Variants in SKAP2 observed in about 807,000 individuals in gnomAD.
SKAP2 encodes the protein src kinase associated phosphoprotein 2, also known as src kinase-associated phosphoprotein 2.
SKAP2 carries 28 observed loss-of-function variants against 54.9 expected under a neutral mutation model. The ratio of observed to expected loss-of-function variants is 0.51; its 90% CI spans 0.38 to 0.70. The LOEUF is 0.70. Among genes scored for constraint, SKAP2 ranks in the 30% least tolerant of loss-of-function variants. The pLI is 0.00. For missense variants in SKAP2, 356 were observed against 424.1 expected, an observed-to-expected ratio of 0.84 and a Z score of 1.41; for synonymous variants, 137 against 134.3, an observed-to-expected ratio of 1.02 and a Z score of -0.14.
chr7:26,678,367 G>A (rs1473154135), intron 11 of SKAP2, among the ~76,000 whole-genome samples: 1 of 151,862 alleles, frequency 6.6e-6, no homozygotes, highest in East Asian at 1.9e-4. Flanking sequence ...CTCTTCCAAA[G>A]AGAATCTTAT....
intron 8 of SKAP2, 89 bp downstream of exon 8, chr7:26,725,834 G>A (rs1787695433): frequency 1.9e-6 from 2 of 1,065,976 alleles, no homozygotes; most frequent in Non-Finnish European, 2.8e-6. Flanking sequence ...TCTCACAGAA[G>A]TCAATAAGCT....
At chr7:26,784,973 G>A (rs912358963) in intron 4 of SKAP2, among the ~76,000 whole-genome samples, 1 of 152,080 alleles carries the variant, frequency 6.6e-6, no homozygotes, top group African/African-American at 2.4e-5. Flanking sequence ...TCTAAGTGGT[G>A]GATAAATAGG....
rs778945887 is a variant in SKAP2, at chr7:26,738,784, A to C, written c.469+11T>G. Reference sequence around the variant, plus strand: ...GCAATAGTAGTTGATATAATTGAACACCAACATTACCTTTATCACTTCCAT... The same window carrying C: ...GCAATAGTAGTTGATATAATTGAACCCCAACATTACCTTTATCACTTCCAT... On this transcript the variant is annotated intron_variant, in intron 6 of 12. Transcript: ENST00000345317. 2 of 1,512,200 alleles carry C rather than the reference A, an allele frequency of 1.3e-6. No homozygotes were observed. The highest frequency in any genetic ancestry group is 1.7e-5 in the Admixed American group (1 of 59,760). 93.7% of individuals were successfully genotyped at this position (1,512,200 alleles called of 1,614,324 possible). A position where few individuals can be genotyped will look rare whatever the true frequency, so the allele number is the denominator to read the frequency against.
chr7:26,722,501 C>T (rs1029949353), intron 9 of SKAP2, among the ~76,000 whole-genome samples: 4 of 148,636 alleles, frequency 2.7e-5, no homozygotes, highest in Middle Eastern at 3.6e-3. Context: ...AAGTGATTCT[C>T]CTGCCTCAGC....
At chr7:26,776,161 T>C (rs117922142) in intron 4 of SKAP2, among the ~76,000 whole-genome samples, 1,813 of 152,284 alleles carry the variant, frequency 0.012, 20 homozygotes, top group Middle Eastern at 0.031. Context: ...CTGGTCGTTT[T>C]ATACAGTTTT....
chr7:26,833,542 G>A (rs1032470639), intron 4 of SKAP2, among the ~76,000 whole-genome samples: 4 of 152,062 alleles, frequency 2.6e-5, no homozygotes, highest in Non-Finnish European at 5.9e-5. Context: ...CCAAGCAAAT[G>A]GAAAGCAATA....
At chr7:26,737,484 A>G (rs1787968697) in intron 6 of SKAP2, among the ~76,000 whole-genome samples, 1 of 152,214 alleles carries the variant, frequency 6.6e-6, no homozygotes, top group Non-Finnish European at 1.5e-5. Flanking sequence ...GCATTATGTA[A>G]GTATTTCAGA....
chr7:26,708,998 T>G (rs1222536250), intron 9 of SKAP2, among the ~76,000 whole-genome samples: 7 of 152,194 alleles, frequency 4.6e-5, no homozygotes, highest in Non-Finnish European at 1.0e-4. Flanking sequence ...TATTAGATGA[T>G]CTCTGCAGAA....
At chr7:26,772,704 C>A (rs577660711) in intron 4 of SKAP2, among the ~76,000 whole-genome samples, 12 of 152,290 alleles carry the variant, frequency 7.9e-5, no homozygotes, top group African/African-American at 2.9e-4. Flanking sequence ...AAGCATTTGG[C>A]AAACATTCAA....
chr7:26,750,213 A>G (rs908358483), intron 4 of SKAP2, among the ~76,000 whole-genome samples: 1 of 152,052 alleles, frequency 6.6e-6, no homozygotes, highest in Non-Finnish European at 1.5e-5. Flanking sequence ...AGCAATTACC[A>G]TTATTTAAGG....
rs765129842 is a variant in SKAP2, at chr7:26,727,194, T to C, written c.470-188A>G. ...TGAAACATGGAAGTATTAGGGATGATTGGACTTACAAGGAGGTCTGCAGAT... is the reference window on the plus strand; with the variant it reads ...TGAAACATGGAAGTATTAGGGATGACTGGACTTACAAGGAGGTCTGCAGAT... On this transcript the variant is annotated intron_variant, in intron 6 of 12. Coordinates refer to ENST00000345317, the MANE Select transcript of SKAP2 (RefSeq NM_003930.5). Among the ~76,000 whole-genome samples, 18 of 152,280 alleles carry C rather than the reference T, an allele frequency of 1.2e-4. 1 individual carries two copies. The highest frequency in any genetic ancestry group is 2.1e-4 in the South Asian group (1 of 4,834).
Position 26,690,278 on chromosome 7 carries a change from T to G in SKAP2, c.874+7A>C, listed in dbSNP as rs754641862. ...AAGGTTTGCCAAGAAGCTACACAAGTCATTACCTGAGGTGTGATGGACACT... is the reference window on the plus strand; with the variant it reads ...AAGGTTTGCCAAGAAGCTACACAAGGCATTACCTGAGGTGTGATGGACACT... On this transcript the variant is annotated splice_region_variant and intron_variant, in intron 10 of 12. Transcript: ENST00000345317. 1 of 1,588,070 alleles carries G rather than the reference T, an allele frequency of 6.3e-7. No individual in the cohort carries two copies. Among genetic ancestry groups the G allele is most frequent in the Non-Finnish European group, 8.6e-7 (1 of 1,156,610 alleles).
At chr7:26,832,733 C>T (rs1194674343) in intron 4 of SKAP2, among the ~76,000 whole-genome samples, 1 of 152,102 alleles carries the variant, frequency 6.6e-6, no homozygotes, top group African/African-American at 2.4e-5. Flanking sequence ...TGAGTAATTC[C>T]TTGCAACTGG....
chr7:26,849,002 G>A lies in SKAP2; in HGVS notation c.200-4865C>T, dbSNP rs75710110. Among the ~76,000 whole-genome samples the A allele has an allele frequency of 4.5e-3, 679 of 152,288 alleles. 20 individuals carry two copies. The highest frequency in any genetic ancestry group is 0.034 in the Admixed American group (526 of 15,290). ...GTCCCATCATTTCAAACATGCTTAAGACATTTTTACAAGGCCAATGGTGGG... is the reference window on the plus strand; with the variant it reads ...GTCCCATCATTTCAAACATGCTTAAAACATTTTTACAAGGCCAATGGTGGG... On this transcript the variant is annotated intron_variant, in intron 3 of 12. Transcript: ENST00000345317.
At chr7:26,787,439 T>C (rs1783575645) in intron 4 of SKAP2, among the ~76,000 whole-genome samples, 1 of 151,822 alleles carries the variant, frequency 6.6e-6, no homozygotes, top group African/African-American at 2.4e-5. Context: ...TCTCCTACCT[T>C]AACCTCCTGA....
At chr7:26,798,693 TAAC>T (rs1783839171) in intron 4 of SKAP2, among the ~76,000 whole-genome samples, 1 of 152,052 alleles carries the variant, frequency 6.6e-6, no homozygotes, top group African/African-American at 2.4e-5. Flanking sequence ...CAATCAAAAA[TAAC>T]TACTTTTCAA....
chr7:26,864,580 A>C lies in SKAP2; in HGVS notation c.-151T>G. The stretch of plus-strand genomic sequence containing the variant: ...GGACACTGCCGGGCCGGGGCTCACA[A>C]CAAGGAAGTCACTGAATCTCCAGCG... On this transcript the variant is annotated 5_prime_UTR_variant, in exon 1 of 13. Coordinates refer to ENST00000345317, the MANE Select transcript of SKAP2 (RefSeq NM_003930.5). The C allele has an allele frequency of 7.1e-7, 1 of 1,411,138 alleles. No homozygotes were observed. Among genetic ancestry groups the C allele is most frequent in the Non-Finnish European group, 9.2e-7 (1 of 1,084,082 alleles). The allele number at this position is 1,411,138 out of a possible 1,614,324, so 87.4% of individuals were successfully genotyped here. A position where few individuals can be genotyped will look rare whatever the true frequency, so the allele number is the denominator to read the frequency against.
At chr7:26,700,344 T>G (rs1786994607) in intron 9 of SKAP2, among the ~76,000 whole-genome samples, 1 of 152,132 alleles carries the variant, frequency 6.6e-6, no homozygotes. Flanking sequence ...CATAAAAGAC[T>G]CTCTTTGATA....
chr7:26,856,193 T>A (rs974049709), intron 1 of SKAP2, among the ~76,000 whole-genome samples: 15 of 151,726 alleles, frequency 9.9e-5, no homozygotes, highest in East Asian at 1.9e-4. Flanking sequence ...TGTAATAATT[T>A]AAAAAAAATA....
Sources: allele counts gnomAD v4.1 joint callset (sites outside exome capture counted in the v4.1 genomes callset), GRCh38; gene constraint gnomAD v4.1.1; transcripts MANE v1.5; gene names NCBI Gene and HGNC (gene_info 2026-07-23, HGNC 2026-07-21).